SGCD: variants seen among roughly 807,000 people sequenced by gnomAD.
SGCD encodes the protein sarcoglycan delta.
In SGCD, 18 loss-of-function variants were observed where a neutral mutation model predicts 36.6. The observed-to-expected ratio is 0.49, with a 90% CI of 0.34 to 0.73. The LOEUF (loss-of-function observed/expected upper bound fraction) is 0.73, where lower values mean the gene tolerates loss of function less well. SGCD is among the 30% of genes least tolerant of loss of function. The pLI, the probability that SGCD is intolerant of heterozygous loss-of-function variation, is 0.01. For synonymous variants in SGCD, 133 were observed against 130.6 expected (o/e 1.02, Z -0.12); for missense variants, 387 against 346.7 (o/e 1.12, Z -0.92).
chr5:156,099,581 A>G (rs1761470072), intron 1 of SGCD, among the ~76,000 whole-genome samples: 1 of 151,954 alleles, frequency 6.6e-6, no homozygotes, highest in Admixed American at 6.6e-5. Context: ...CTGCTGGCTA[A>G]TTTTTGTATT....
intron 3 of SGCD, among the ~76,000 whole-genome samples, chr5:156,434,339 T>TC (rs1472789860): frequency 1.3e-5 from 2 of 152,144 alleles, no homozygotes; most frequent in Non-Finnish European, 2.9e-5. Context: ...GAGGGATGGC[T>TC]CCCCGCACAA....
rs933835372 is a variant in SGCD, at chr5:156,054,522, T to C, written c.-281-63356T>C. On this transcript the variant is annotated intron_variant, in intron 1 of 9. Coordinates refer to the SGCD transcript ENST00000517913. ...GGATGGTCTCAATCTCCTGACCTCG[T>C]GATCCACCCGCCTCAGCCTCCCAAA... 2.1e-5 allele frequency among the ~76,000 whole-genome samples: 3 copies of C among 146,024 alleles called. 1 individual carries two copies. Among genetic ancestry groups the C allele is most frequent in the African/African-American group, 7.4e-5 (3 of 40,620 alleles).
At chr5:156,090,419 C>A (rs779966406) in intron 1 of SGCD, among the ~76,000 whole-genome samples, 1 of 152,010 alleles carries the variant, frequency 6.6e-6, no homozygotes, top group Admixed American at 6.6e-5. Flanking sequence ...ACTGTGATGG[C>A]GACCTCGAGC....
chr5:156,463,663 T>G (rs757296419), intron 3 of SGCD, among the ~76,000 whole-genome samples: 15 of 152,146 alleles, frequency 9.9e-5, no homozygotes, highest in Non-Finnish European at 1.6e-4. Flanking sequence ...AAGTTCTGTC[T>G]CCTTCACTTA....
At chr5:156,531,665 A>G (rs1757895282) in intron 4 of SGCD, among the ~76,000 whole-genome samples, 1 of 152,230 alleles carries the variant, frequency 6.6e-6, no homozygotes, top group Non-Finnish European at 1.5e-5. Context: ...CAAAAAGTCA[A>G]TTCTTAAAAT....
intron 3 of SGCD, among the ~76,000 whole-genome samples, chr5:156,225,220 G>A (rs369327730): frequency 1.8e-4 from 28 of 152,156 alleles, no homozygotes; most frequent in Middle Eastern, 6.8e-3. Flanking sequence ...TTAGTATCCA[G>A]TACAAGACCT....
intron 1 of SGCD, among the ~76,000 whole-genome samples, chr5:156,328,296 C>T (rs747386929): frequency 3.3e-5 from 5 of 152,228 alleles, no homozygotes; most frequent in Admixed American, 6.5e-5. Flanking sequence ...AACCTTACAA[C>T]TGCTTTACAA....
chr5:156,010,398 T>C (rs1257100774), intron 1 of SGCD, among the ~76,000 whole-genome samples: 2 of 152,234 alleles, frequency 1.3e-5, no homozygotes, highest in Non-Finnish European at 1.5e-5. Context: ...TCAAAACATG[T>C]TGAGCAGATC....
intron 3 of SGCD, among the ~76,000 whole-genome samples, chr5:156,432,005 C>A (rs561046742): frequency 2.0e-5 from 3 of 152,030 alleles, no homozygotes; most frequent in African/African-American, 7.2e-5. Context: ...CGTGAGCCAC[C>A]GCACCCAGCC....
chr5:156,213,945 G>A (rs1764512546), intron 3 of SGCD, among the ~76,000 whole-genome samples: 1 of 151,870 alleles, frequency 6.6e-6, no homozygotes, highest in African/African-American at 2.4e-5. Context: ...GGTATAGAAG[G>A]AATGTACCTC....
chr5:156,294,494 C>T (rs1256980498), intron 3 of SGCD, among the ~76,000 whole-genome samples: 1 of 152,102 alleles, frequency 6.6e-6, no homozygotes, highest in Non-Finnish European at 1.5e-5. Context: ...TGCCTAATTG[C>T]TCTGGCTGTG....
chr5:156,167,349 A>C (rs1763237526), intron 3 of SGCD, among the ~76,000 whole-genome samples: 1 of 152,164 alleles, frequency 6.6e-6, no homozygotes, highest in African/African-American at 2.4e-5. Context: ...TTATATGTCA[A>C]GCTCCATGAG....
chr5:156,578,166 G>C (rs1760063754), intron 4 of SGCD, among the ~76,000 whole-genome samples: 1 of 152,174 alleles, frequency 6.6e-6, no homozygotes, highest in Non-Finnish European at 1.5e-5. Flanking sequence ...CATCTATTGA[G>C]ATAATCATGT....
chr5:156,535,504 T>C (rs891272166), intron 4 of SGCD, among the ~76,000 whole-genome samples: 1 of 152,216 alleles, frequency 6.6e-6, no homozygotes, highest in Non-Finnish European at 1.5e-5. Flanking sequence ...AAGTTTGTTC[T>C]CTACCTGCCT....
chr5:155,998,578 T>C (rs562635518), intron 1 of SGCD, among the ~76,000 whole-genome samples: 15 of 152,288 alleles, frequency 9.8e-5, no homozygotes, highest in African/African-American at 1.7e-4. Flanking sequence ...TCATTATCCA[T>C]GGGTGGCACA....
intron 7 of SGCD, among the ~76,000 whole-genome samples, chr5:156,697,244 A>G (rs930406771): frequency 6.6e-6 from 1 of 152,194 alleles, no homozygotes; most frequent in Non-Finnish European, 1.5e-5. Context: ...TATATGCTAT[A>G]TAAATTATAT....
At chr5:156,431,127 C>A (rs538563467) in intron 3 of SGCD, among the ~76,000 whole-genome samples, 1 of 152,116 alleles carries the variant, frequency 6.6e-6, no homozygotes, top group Non-Finnish European at 1.5e-5. Flanking sequence ...GCTATCCCAG[C>A]TCCCCTGCCA....
chr5:155,771,191 G>A, the SGCD span, among the ~76,000 whole-genome samples: 1 of 152,022 alleles, frequency 6.6e-6, no homozygotes, highest in African/African-American at 2.4e-5. Context: ...GATTTCCTGG[G>A]TTCCACCATG....
chr5:156,148,697 G>A (rs1024372410), intron 3 of SGCD, among the ~76,000 whole-genome samples: 4 of 152,148 alleles, frequency 2.6e-5, no homozygotes, highest in Admixed American at 2.0e-4. Flanking sequence ...GAGAAGGCTG[G>A]AGTAACTCAC....
Sources: allele counts gnomAD v4.1 joint callset (sites outside exome capture counted in the v4.1 genomes callset), GRCh38; gene constraint gnomAD v4.1.1; transcripts MANE v1.5; gene names NCBI Gene and HGNC (gene_info 2026-07-23, HGNC 2026-07-21).